The following NRG3 variants were observed in gnomAD, a reference collection of about 807,000 sequenced individuals.
NRG3 encodes the protein pro-neuregulin-3, membrane-bound isoform.
In NRG3, 31 loss-of-function variants were observed where a neutral mutation model predicts 66.9. That is an observed-to-expected ratio of 0.46 (90% CI 0.35 to 0.63). The LOEUF (loss-of-function observed/expected upper bound fraction) is 0.63, where lower values mean the gene tolerates loss of function less well. Ranked by LOEUF, NRG3 falls within the 20% of genes least tolerant of loss-of-function variation. The pLI is 0.00. For missense variants in NRG3, 910 were observed against 878.9 expected, an observed-to-expected ratio of 1.04 and a Z score of -0.45; for synonymous variants, 393 against 359.4, an observed-to-expected ratio of 1.09 and a Z score of -1.06.
rs1341541958 is a variant in NRG3, at chr10:82,369,049, G to C, written c.953+10181G>C. 3.6e-5 allele frequency among the ~76,000 whole-genome samples: 5 copies of C among 138,404 alleles called. 2 individuals are homozygous for C. In the East Asian group the frequency reaches 1.1e-3, roughly 30 times the overall value. The allele number at this position is 138,404 out of a possible 152,430, so 90.8% of individuals were successfully genotyped here. ...TTCACAGCATCAGGCAGCACTTCTG[G>C]GTTCCTGAGCATGCTATTTCTTTCC... is the stretch of plus-strand genomic sequence containing the variant. On this transcript the variant is annotated intron_variant, in intron 2 of 8. Transcript: ENST00000372141.
intron 1 of NRG3, among the ~76,000 whole-genome samples, chr10:81,890,312 G>A (rs866922166): frequency 3.9e-5 from 6 of 152,130 alleles, no homozygotes; most frequent in African/African-American, 1.4e-4. Flanking sequence ...GAAACTTGCC[G>A]AATCCATTTA....
intron 1 of NRG3, among the ~76,000 whole-genome samples, chr10:82,059,129 G>A (rs1034027417): frequency 2.6e-5 from 4 of 152,154 alleles, no homozygotes; most frequent in African/African-American, 9.7e-5. Context: ...CAAGGGCCAA[G>A]CAATGAATTG....
chr10:82,498,372 A>G (rs1046625990), intron 2 of NRG3, among the ~76,000 whole-genome samples: 1 of 152,122 alleles, frequency 6.6e-6, no homozygotes, highest in African/African-American at 2.4e-5. Flanking sequence ...AGCACGTTTT[A>G]TATGAACTCG....
chr10:82,558,962 CAT>C (rs992857860), intron 2 of NRG3, among the ~76,000 whole-genome samples: 4 of 151,990 alleles, frequency 2.6e-5, no homozygotes, highest in Non-Finnish European at 5.9e-5. Context: ...ATATAAAAAA[CAT>C]AACAAAAAAT....
intron 6 of NRG3, among the ~76,000 whole-genome samples, chr10:82,966,149 T>G (rs1851188397): frequency 6.6e-6 from 1 of 152,168 alleles, no homozygotes; most frequent in Non-Finnish European, 1.5e-5. Context: ...AATGCATTAT[T>G]ATCCATAAAA....
At chr10:81,929,794 G>T (rs905341855) in intron 1 of NRG3, among the ~76,000 whole-genome samples, 3 of 152,204 alleles carry the variant, frequency 2.0e-5, no homozygotes, top group African/African-American at 7.2e-5. Context: ...TATCTGGCCA[G>T]GCATTGGTAG....
chr10:81,931,251 C>T (rs572303476), intron 1 of NRG3, among the ~76,000 whole-genome samples: 2 of 152,168 alleles, frequency 1.3e-5, no homozygotes, highest in African/African-American at 2.4e-5. Flanking sequence ...CATTCTCAGT[C>T]ATCTCATCTC....
chr10:82,609,676 T>A (rs2048190049), intron 2 of NRG3, among the ~76,000 whole-genome samples: 1 of 152,096 alleles, frequency 6.6e-6, no homozygotes, highest in Non-Finnish European at 1.5e-5. Flanking sequence ...GTAATAGAAT[T>A]TTCATGATTG....
intron 1 of NRG3, among the ~76,000 whole-genome samples, chr10:81,959,200 A>G (rs746834705): frequency 1.6e-4 from 24 of 152,220 alleles, no homozygotes; most frequent in Non-Finnish European, 2.8e-4. Context: ...GGGACCCAGC[A>G]TTGGCTTGAG....
intron 1 of NRG3, among the ~76,000 whole-genome samples, chr10:82,157,697 G>A (rs1164565326): frequency 1.3e-5 from 2 of 151,120 alleles, no homozygotes; most frequent in African/African-American, 4.9e-5. Flanking sequence ...GGAATAGGCA[G>A]AAGAATGACA....
At chr10:82,633,358 C>G (rs977785068) in intron 2 of NRG3, among the ~76,000 whole-genome samples, 1 of 152,148 alleles carries the variant, frequency 6.6e-6, no homozygotes, top group Non-Finnish European at 1.5e-5. Flanking sequence ...CCAGGTTTCT[C>G]TGAGCAAAGA....
chr10:82,518,512 A>G (rs892266824), intron 2 of NRG3, among the ~76,000 whole-genome samples: 1 of 152,212 alleles, frequency 6.6e-6, no homozygotes, highest in East Asian at 1.9e-4. Flanking sequence ...CCCTACACAC[A>G]TATTAGTCAT....
At chr10:82,701,359 G>A (rs538001134) in intron 2 of NRG3, among the ~76,000 whole-genome samples, 195 of 152,118 alleles carry the variant, frequency 1.3e-3, no homozygotes, top group Middle Eastern at 3.4e-3. Flanking sequence ...ACTTTTCCCA[G>A]CATAAATCTG....
At chr10:82,188,427 T>C (rs2073937876) in intron 1 of NRG3, among the ~76,000 whole-genome samples, 1 of 152,074 alleles carries the variant, frequency 6.6e-6, no homozygotes, top group East Asian at 1.9e-4. Context: ...TACCCCAGCA[T>C]AAGCAACCAA....
intron 1 of NRG3, among the ~76,000 whole-genome samples, chr10:81,952,341 T>C (rs1390714609): frequency 1.3e-5 from 2 of 151,872 alleles, no homozygotes; most frequent in Non-Finnish European, 2.9e-5. Context: ...CTGACCAAAT[T>C]TGTGGTGATT....
intron 1 of NRG3, among the ~76,000 whole-genome samples, chr10:82,227,183 T>C (rs1185528196): frequency 6.6e-6 from 1 of 152,136 alleles, no homozygotes; most frequent in Non-Finnish European, 1.5e-5. Flanking sequence ...TGTTTGTATC[T>C]TGGTAAGTGC....
intron 3 of NRG3, among the ~76,000 whole-genome samples, chr10:82,842,967 A>C (rs574821747): frequency 1.7e-4 from 26 of 152,370 alleles, no homozygotes; most frequent in African/African-American, 6.0e-4. Context: ...TAACAACAAT[A>C]ACTTATGATA....
At chr10:82,207,975 A>T (rs2075208890) in intron 1 of NRG3, among the ~76,000 whole-genome samples, 1 of 152,158 alleles carries the variant, frequency 6.6e-6, no homozygotes, top group South Asian at 2.1e-4. Flanking sequence ...TTTTAAGAAT[A>T]GTTAATATTA....
chr10:82,103,124 C>T (rs1329184424), intron 1 of NRG3, among the ~76,000 whole-genome samples: 1 of 151,994 alleles, frequency 6.6e-6, no homozygotes, highest in Non-Finnish European at 1.5e-5. Context: ...GTATTCTGGG[C>T]TGGTCTTTTC....
Sources: allele counts gnomAD v4.1 joint callset (sites outside exome capture counted in the v4.1 genomes callset), GRCh38; gene constraint gnomAD v4.1.1; transcripts MANE v1.5; gene names NCBI Gene and HGNC (gene_info 2026-07-23, HGNC 2026-07-21).